NBAS: variants seen among roughly 807,000 people sequenced by gnomAD.
The protein encoded by NBAS is NAG/BC035112 fusion.
A neutral mutation model predicts 302.5 loss-of-function variants in NBAS; 219 were observed. That is an observed-to-expected ratio of 0.72 (90% confidence interval 0.65 to 0.81). The LOEUF (loss-of-function observed/expected upper bound fraction) is 0.81. Among genes scored for constraint, NBAS ranks in the 30% least tolerant of loss-of-function variants. NBAS has a pLI of 0.00. For synonymous variants in NBAS, 1,118 were observed against 1,021.6 expected (o/e 1.09, Z -1.80); for missense variants, 2,932 against 2,841.6 (o/e 1.03, Z -0.72).
chr2:14,994,973 T>G, the NBAS span, among the ~76,000 whole-genome samples: 4 of 152,250 alleles, frequency 2.6e-5, no homozygotes, highest in East Asian at 5.8e-4. Flanking sequence ...AATCAGCTGG[T>G]GAGTATGTCA....
At chr2:15,443,545 C>T (rs1382627115) in intron 21 of NBAS, among the ~76,000 whole-genome samples, 3 of 151,282 alleles carry the variant, frequency 2.0e-5, no homozygotes, top group African/African-American at 7.3e-5. Flanking sequence ...CAGCCAATAT[C>T]ATACTGAATG....
At chr2:15,204,099 G>A (rs1409816030) in intron 48 of NBAS, among the ~76,000 whole-genome samples, 2 of 151,870 alleles carry the variant, frequency 1.3e-5, no homozygotes, top group East Asian at 1.9e-4. Context: ...CCATCTCTAC[G>A]AAAAATATAC....
chr2:15,095,486 T>A, the NBAS span, among the ~76,000 whole-genome samples: 4 of 152,182 alleles, frequency 2.6e-5, no homozygotes, highest in Non-Finnish European at 5.9e-5. Context: ...ATCACTCCCA[T>A]GATTCAATTA....
At chr2:15,559,068 A>AAAAAAAAC (rs1664787458) in intron 1 of NBAS, among the ~76,000 whole-genome samples, 1 of 146,878 alleles carries the variant, frequency 6.8e-6, no homozygotes, top group African/African-American at 2.5e-5. Flanking sequence ...GCCTCAAAAA[A>AAAAAAAAC]AAAAAAAAAA....
the NBAS span, among the ~76,000 whole-genome samples, chr2:14,944,492 A>G: frequency 6.6e-6 from 1 of 152,142 alleles, no homozygotes; most frequent in African/African-American, 2.4e-5. Context: ...ACAGCCCATC[A>G]TTGATACAGC....
intron 48 of NBAS, among the ~76,000 whole-genome samples, chr2:15,199,126 CAAAAAAAAAAA>C (rs71400641): frequency 1.3e-5 from 1 of 75,282 alleles, no homozygotes; most frequent in African/African-American, 5.1e-5. Context: ...GACTCCATCT[CAAAAAAAAAAA>C]AAAAAAAAGA....
At chr2:14,976,224 C>G in the NBAS span, among the ~76,000 whole-genome samples, 1 of 152,146 alleles carries the variant, frequency 6.6e-6, no homozygotes, top group Admixed American at 6.5e-5. Context: ...GAAGATGGAA[C>G]CTAAGTAAAG....
chr2:15,401,472 C>T (rs919549685), intron 26 of NBAS, among the ~76,000 whole-genome samples: 2 of 151,992 alleles, frequency 1.3e-5, no homozygotes, highest in Non-Finnish European at 2.9e-5. Flanking sequence ...TTTTGTAAAT[C>T]AGGAAACTAA....
chr2:15,292,513 T>C, intron 41 of NBAS, 24 bp downstream of exon 41: 1 of 1,609,716 alleles, frequency 6.2e-7, no homozygotes, highest in Non-Finnish European at 8.5e-7. Flanking sequence ...TCCATCCCCT[T>C]ATGAAACAAA....
the NBAS span, among the ~76,000 whole-genome samples, chr2:14,827,941 T>C: frequency 1.7e-3 from 258 of 152,306 alleles, 6 homozygotes; most frequent in South Asian, 0.051. Flanking sequence ...TAAGTATTTT[T>C]ACAATAATAA....
chr2:14,990,142 G>A, the NBAS span, among the ~76,000 whole-genome samples: 3 of 151,648 alleles, frequency 2.0e-5, no homozygotes, highest in Non-Finnish European at 4.4e-5. Context: ...GCCAGGTGCA[G>A]TGGCTCACAC....
intron 21 of NBAS, among the ~76,000 whole-genome samples, chr2:15,457,920 G>A (rs994856766): frequency 1.3e-5 from 2 of 152,152 alleles, no homozygotes; most frequent in Non-Finnish European, 2.9e-5. Context: ...TCAGGTCCTC[G>A]GTAAACACAG....
the NBAS span, among the ~76,000 whole-genome samples, chr2:15,023,939 T>C: frequency 6.6e-6 from 1 of 152,082 alleles, no homozygotes; most frequent in Admixed American, 6.6e-5. Flanking sequence ...CCTCACTTTA[T>C]TTTCTGGAAA....
Position 15,419,719 on chromosome 2 carries a change from CT to C in NBAS, c.2578-2008del, listed in dbSNP as rs747652347. ...CATGTACTTGGTTGACGATTTTTTT[CT>C]TTTTTTTTTGAGACCGAGTCTCACT... is the stretch of plus-strand genomic sequence containing the variant. On this transcript the variant is annotated intron_variant, in intron 23 of 51. Coordinates refer to ENST00000281513, the MANE Select transcript of NBAS (RefSeq NM_015909.4). Among the ~76,000 whole-genome samples, 6 of 148,564 alleles carry C rather than the reference CT, an allele frequency of 4.0e-5. No homozygotes were observed. In the South Asian group the frequency reaches 6.4e-4, roughly 16 times the overall value.
the NBAS span, among the ~76,000 whole-genome samples, chr2:14,854,186 C>A: frequency 2.0e-5 from 3 of 151,258 alleles, no homozygotes; most frequent in Non-Finnish European, 4.4e-5. Context: ...AAATGCAGTA[C>A]TAAGAGGGAA....
intron 44 of NBAS, among the ~76,000 whole-genome samples, chr2:15,246,407 T>C (rs1572518479): frequency 6.6e-6 from 1 of 152,226 alleles, no homozygotes; most frequent in Non-Finnish European, 1.5e-5. Flanking sequence ...AGACCTAACA[T>C]AATGTCTAAC....
At chr2:15,124,483 G>A in the NBAS span, among the ~76,000 whole-genome samples, 1 of 152,238 alleles carries the variant, frequency 6.6e-6, no homozygotes, top group Non-Finnish European at 1.5e-5. Context: ...ACTTGCTAGA[G>A]AGATTAGCAT....
chr2:15,487,542 T>C (rs1267921399), intron 12 of NBAS, among the ~76,000 whole-genome samples: 1 of 152,172 alleles, frequency 6.6e-6, no homozygotes, highest in East Asian at 1.9e-4. Context: ...AGTGGACCCA[T>C]GCAGTTCAAA....
chr2:15,344,210 A>G lies in NBAS; in HGVS notation c.4179+7782T>C, dbSNP rs1010561695. 3.9e-5 allele frequency among the ~76,000 whole-genome samples: 6 copies of G among 151,982 alleles called. No homozygotes were observed. The East Asian group carries it at 1.2e-3, about 29-fold the overall frequency. ...ATAATGAGATAGCACATATATAGGA[A>G]TGGCTTTAATAAAAAAAATTCTATC... On this transcript the variant is annotated intron_variant, in intron 35 of 51. Coordinates refer to ENST00000281513, the MANE Select transcript of NBAS (RefSeq NM_015909.4).
Sources: gnomAD v4.1 joint callset for allele counts (sites outside exome capture counted in the v4.1 genomes callset) on GRCh38, gnomAD v4.1.1 for gene constraint, MANE v1.5 for transcripts, NCBI Gene and HGNC (gene_info 2026-07-23, HGNC 2026-07-21) for gene names.